BBS9: variants seen among roughly 807,000 people sequenced by gnomAD.
The protein encoded by BBS9 is protein PTHB1.
BBS9 carries 89 observed loss-of-function variants against 117.7 expected under a neutral mutation model. That is an observed-to-expected ratio of 0.76 (90% CI 0.64 to 0.90). The LOEUF is 0.90. BBS9 is among the 40% of genes least tolerant of loss of function. BBS9 has a pLI of 0.00. For synonymous variants in BBS9, 379 were observed against 370.9 expected, an observed-to-expected ratio of 1.02 and a Z score of -0.25; for missense variants, 982 against 1,042.2, an observed-to-expected ratio of 0.94 and a Z score of 0.80.
chr7:33,608,122 A>G (rs1045787979), downstream of BBS9, among the ~76,000 whole-genome samples: 2 of 151,882 alleles, frequency 1.3e-5, no homozygotes, highest in African/African-American at 4.8e-5. Flanking sequence ...TTTAGTTCCC[A>G]CTTATAAGTG....
chr7:33,423,183 A>T (rs1312183681), intron 19 of BBS9, among the ~76,000 whole-genome samples: 1 of 152,154 alleles, frequency 6.6e-6, no homozygotes, highest in Non-Finnish European at 1.5e-5. Context: ...AGACATTAAC[A>T]GGCCTGGCTA....
chr7:33,527,750 A>G (rs550610510), intron 20 of BBS9, among the ~76,000 whole-genome samples: 7 of 152,102 alleles, frequency 4.6e-5, no homozygotes, highest in South Asian at 4.2e-4. Flanking sequence ...AGCTGTTTCT[A>G]TTTGGCCATC....
At chr7:33,568,798 A>G (rs534306299) in intron 21 of BBS9, among the ~76,000 whole-genome samples, 3 of 152,380 alleles carry the variant, frequency 2.0e-5, no homozygotes, top group East Asian at 1.9e-4. Context: ...AGGAAGGAAT[A>G]TAAGAAAATA....
chr7:33,577,686 A>G (rs1356896165), intron 21 of BBS9, among the ~76,000 whole-genome samples: 1 of 152,226 alleles, frequency 6.6e-6, no homozygotes, highest in Non-Finnish European at 1.5e-5. Flanking sequence ...GATTAAGAAA[A>G]TGTGGCACAT....
intron 21 of BBS9, among the ~76,000 whole-genome samples, chr7:33,546,232 C>T (rs1853350467): frequency 6.6e-6 from 1 of 152,010 alleles, no homozygotes; most frequent in Non-Finnish European, 1.5e-5. Context: ...TGCGCCCGGC[C>T]TATAATCCAT....
chr7:33,190,568 G>T (rs902969824), intron 5 of BBS9, among the ~76,000 whole-genome samples: 2 of 152,170 alleles, frequency 1.3e-5, no homozygotes, highest in Admixed American at 6.5e-5. Flanking sequence ...TCTGTGATCA[G>T]ATCTGGTTTC....
At chr7:33,140,733 A>C (rs755625764) in intron 1 of BBS9, among the ~76,000 whole-genome samples, 20 of 152,362 alleles carry the variant, frequency 1.3e-4, no homozygotes, top group Non-Finnish European at 2.1e-4. Flanking sequence ...GCTTGCTACC[A>C]GATTTGAAAT....
intron 17 of BBS9, among the ~76,000 whole-genome samples, chr7:33,374,183 A>G (rs1174321598): frequency 6.6e-6 from 1 of 152,160 alleles, no homozygotes; most frequent in African/African-American, 2.4e-5. Context: ...TTGTTTGTAG[A>G]GGGTCTTGAG....
chr7:33,392,626 ATCC>A (rs1827252875), intron 19 of BBS9, among the ~76,000 whole-genome samples: 1 of 152,170 alleles, frequency 6.6e-6, no homozygotes, highest in Admixed American at 6.5e-5. Flanking sequence ...TTTATAATCT[ATCC>A]TCCTTCTTTC....
chr7:33,505,340 G>T (rs1585052478), intron 19 of BBS9, 123 bp from the exon 20 acceptor site: 8 of 926,286 alleles, frequency 8.6e-6, no homozygotes, highest in Non-Finnish European at 1.4e-5. Context: ...AACATAGCTT[G>T]TGTTTGTGGA....
intron 5 of BBS9, among the ~76,000 whole-genome samples, chr7:33,192,261 T>C (rs541262368): frequency 1.7e-4 from 26 of 152,210 alleles, no homozygotes; most frequent in Non-Finnish European, 3.2e-4. Context: ...TTATTCAATA[T>C]TGGTGTTTAT....
At chr7:33,562,190 C>T (rs1317334788) in intron 21 of BBS9, among the ~76,000 whole-genome samples, 1 of 152,016 alleles carries the variant, frequency 6.6e-6, no homozygotes, top group Non-Finnish European at 1.5e-5. Context: ...ACTAGTTGAC[C>T]CTTAGATTTA....
chr7:33,299,066 T>C (rs1805843847), intron 9 of BBS9, among the ~76,000 whole-genome samples: 1 of 152,212 alleles, frequency 6.6e-6, no homozygotes. Flanking sequence ...ATATTGTTAT[T>C]ATGCAGACCC....
chr7:33,296,873 C>T (rs988064803), intron 9 of BBS9, among the ~76,000 whole-genome samples: 1 of 152,042 alleles, frequency 6.6e-6, no homozygotes, highest in Non-Finnish European at 1.5e-5. Context: ...AATCTTAGGA[C>T]CCAGTACTTT....
At chr7:33,266,268 C>A (rs1798804808) in intron 7 of BBS9, among the ~76,000 whole-genome samples, 1 of 152,154 alleles carries the variant, frequency 6.6e-6, no homozygotes, top group Admixed American at 6.5e-5. Context: ...AGTCACTTTG[C>A]AGGAATGTGA....
At chr7:33,539,773 G>C (rs544969585) in intron 21 of BBS9, among the ~76,000 whole-genome samples, 1 of 152,282 alleles carries the variant, frequency 6.6e-6, no homozygotes, top group South Asian at 2.1e-4. Context: ...CACTGGCCTT[G>C]CGTGTGACAG....
At chr7:33,598,038 C>G (rs952149937) in intron 21 of BBS9, among the ~76,000 whole-genome samples, 2 of 151,980 alleles carry the variant, frequency 1.3e-5, no homozygotes, top group Non-Finnish European at 2.9e-5. Flanking sequence ...TGCCTCGGGT[C>G]CTACAGCTAG....
At chr7:33,510,578 A>G (rs1403366615) in intron 20 of BBS9, among the ~76,000 whole-genome samples, 3 of 152,168 alleles carry the variant, frequency 2.0e-5, no homozygotes, top group Admixed American at 6.6e-5. Flanking sequence ...CTCACTAAGC[A>G]AAACAGACTT....
intron 9 of BBS9, among the ~76,000 whole-genome samples, chr7:33,309,796 G>C (rs1808825688): frequency 6.6e-6 from 1 of 152,162 alleles, no homozygotes; most frequent in South Asian, 2.1e-4. Flanking sequence ...TACAGACTAG[G>C]GGTTAGGCTG....
Sources: allele counts gnomAD v4.1 joint callset (sites outside exome capture counted in the v4.1 genomes callset), GRCh38; gene constraint gnomAD v4.1.1; transcripts MANE v1.5; gene names NCBI Gene and HGNC (gene_info 2026-07-23, HGNC 2026-07-21).